CLIP1: variants seen among roughly 807,000 people sequenced by gnomAD.
The protein encoded by CLIP1 is CAP-Gly domain containing linker protein 1, also known as CAP-Gly domain-containing linker protein 1.
A neutral mutation model predicts 161.6 loss-of-function variants in CLIP1; 66 were observed. The ratio of observed to expected loss-of-function variants is 0.41; its 90% CI spans 0.33 to 0.50. The LOEUF (loss-of-function observed/expected upper bound fraction) is 0.50. CLIP1 is among the 20% of genes least tolerant of loss of function. The pLI is 0.27. For missense variants in CLIP1, 1,376 were observed against 1,702.0 expected, an observed-to-expected ratio of 0.81 and a Z score of 3.37; for synonymous variants, 598 against 626.2, an observed-to-expected ratio of 0.96 and a Z score of 0.67.
chr12:122,363,921 G>A, intron 4 of CLIP1, 62 bp downstream of exon 4: 3 of 1,608,954 alleles, frequency 1.9e-6, no homozygotes, highest in Non-Finnish European at 1.7e-6. Flanking sequence ...CGCTTGGTGA[G>A]ACTGGCCTGA....
intron 1 of CLIP1, among the ~76,000 whole-genome samples, chr12:122,384,625 G>A (rs1955155014): frequency 6.6e-6 from 1 of 152,060 alleles, no homozygotes; most frequent in African/African-American, 2.4e-5. Flanking sequence ...GCCGGGCATG[G>A]TGGCGGGCGC....
At chr12:122,284,513 C>T (rs766173702) in intron 21 of CLIP1, among the ~76,000 whole-genome samples, 2 of 151,936 alleles carry the variant, frequency 1.3e-5, no homozygotes, top group Non-Finnish European at 2.9e-5. Context: ...CCACCGTGCC[C>T]GGCTATTTTT....
intron 20 of CLIP1, among the ~76,000 whole-genome samples, chr12:122,289,221 A>C: frequency 6.6e-6 from 1 of 151,916 alleles, no homozygotes; most frequent in Admixed American, 6.6e-5. Flanking sequence ...CAGGAGTTCG[A>C]GCCCAGCCTG....
chr12:122,324,391 C>T (rs1475502598), intron 17 of CLIP1: 3 of 152,224 alleles, frequency 2.0e-5, no homozygotes, highest in Admixed American at 2.0e-4. Context: ...ACTACAGAAA[C>T]AAAAGATGGA....
intron 4 of CLIP1, among the ~76,000 whole-genome samples, chr12:122,362,846 C>A (rs2136604680): frequency 6.6e-6 from 1 of 150,520 alleles, no homozygotes; most frequent in African/African-American, 2.4e-5. Context: ...TATTTTCAGA[C>A]TGACATGGGC....
chr12:122,390,607 T>A (rs186668569), intron 1 of CLIP1, among the ~76,000 whole-genome samples: 13 of 151,832 alleles, frequency 8.6e-5, no homozygotes, highest in African/African-American at 2.9e-4. Flanking sequence ...CCACTGCACC[T>A]GGCATCATTT....
At chr12:122,324,046 A>G (rs912707915) in intron 17 of CLIP1, 1 of 152,648 alleles carries the variant, frequency 6.6e-6, no homozygotes, top group Non-Finnish European at 1.5e-5. Flanking sequence ...CCTGTACAAC[A>G]TTGATTTCTT....
At position 122,311,433 on chromosome 12, in the gene CLIP1, T is replaced by A. The variant is rs993015248; in HGVS notation, c.3474-1551A>T. On this transcript the variant is annotated intron_variant, in intron 19 of 25. Coordinates refer to ENST00000620786, the MANE Select transcript of CLIP1 (RefSeq NM_001247997.2). This position sits in a 1 kb window ranked among gnomAD's most constrained non-coding sequence, Gnocchi z 4.3. ...AACAAAATTATTATTATTATTATTT[T>A]TTTTTTTTTGAGACAGAGTCTCGCT... Among the ~76,000 whole-genome samples, 19 of 151,600 alleles carry A rather than the reference T, an allele frequency of 1.3e-4. No homozygotes were observed. The highest frequency in any genetic ancestry group is 2.2e-4 in the African/African-American group (9 of 41,416).
At chr12:122,374,761 C>A (rs1413967186) in intron 3 of CLIP1, among the ~76,000 whole-genome samples, 6 of 151,638 alleles carry the variant, frequency 4.0e-5, no homozygotes, top group Admixed American at 3.3e-4. Flanking sequence ...GACTCTGTCT[C>A]CAAAAATAAA....
chr12:122,356,297 T>C (rs1223403606), intron 5 of CLIP1: 1 of 152,192 alleles, frequency 6.6e-6, no homozygotes, highest in Non-Finnish European at 1.5e-5. Context: ...CACTGTAGGA[T>C]GTTTTAAAAT....
intron 20 of CLIP1, among the ~76,000 whole-genome samples, chr12:122,296,125 A>G (rs960124388): frequency 6.6e-6 from 1 of 152,232 alleles, no homozygotes; most frequent in Non-Finnish European, 1.5e-5. Flanking sequence ...ATAAGGTTAC[A>G]TACTGTTTTG....
intron 20 of CLIP1, among the ~76,000 whole-genome samples, chr12:122,292,698 A>G (rs545047428): frequency 6.6e-6 from 1 of 152,302 alleles, no homozygotes; most frequent in African/African-American, 2.4e-5. Context: ...TCTTCAAAAG[A>G]TATTGTTAAG....
intron 1 of CLIP1, among the ~76,000 whole-genome samples, chr12:122,385,143 G>C (rs150738733): frequency 0.012 from 1,815 of 152,076 alleles, 31 homozygotes; most frequent in African/African-American, 0.041. Flanking sequence ...ATATTGGCCA[G>C]GATGGTCTCA....
chr12:122,387,514 T>C (rs934967110), intron 1 of CLIP1, among the ~76,000 whole-genome samples: 45 of 147,094 alleles, frequency 3.1e-4, no homozygotes, highest in African/African-American at 1.1e-3. Flanking sequence ...TAAATAATTT[T>C]GTTAAATTTC....
At chr12:122,408,105 G>A (rs1376743307) in intron 1 of CLIP1, among the ~76,000 whole-genome samples, 1 of 151,426 alleles carries the variant, frequency 6.6e-6, no homozygotes, top group Non-Finnish European at 1.5e-5. Context: ...GCATGGTGGC[G>A]GGCACCTGTA....
chr12:122,317,966 C>T (rs1167039522), intron 18 of CLIP1, among the ~76,000 whole-genome samples: 2 of 152,230 alleles, frequency 1.3e-5, no homozygotes, highest in Non-Finnish European at 2.9e-5. Flanking sequence ...TCATTTACTT[C>T]AGCTTCTAAT....
intron 1 of CLIP1, among the ~76,000 whole-genome samples, chr12:122,393,768 C>G (rs984048867): frequency 6.6e-6 from 1 of 151,522 alleles, no homozygotes; most frequent in Admixed American, 6.6e-5. Context: ...AAAAATTAGC[C>G]GGGTGTGGTG....
chr12:122,390,267 CATATATATATACATATATATAT>C (rs1380270060), intron 1 of CLIP1, among the ~76,000 whole-genome samples: 8 of 71,290 alleles, frequency 1.1e-4, no homozygotes, highest in Non-Finnish European at 2.5e-4. Context: ...TATACACACA[CATATATATATACATATATATAT>C]ATATATATAT....
At chr12:122,333,456 A>C (rs970834875) in intron 14 of CLIP1, among the ~76,000 whole-genome samples, 3 of 152,210 alleles carry the variant, frequency 2.0e-5, no homozygotes, top group Non-Finnish European at 2.9e-5. Context: ...GGGGAAAAGC[A>C]AGTGCACAGG....
Sources: gnomAD v4.1 joint callset for allele counts (sites outside exome capture counted in the v4.1 genomes callset) on GRCh38, gnomAD v4.1.1 for gene constraint, Gnocchi (gnomAD v3.1) non-coding constraint, MANE v1.5 for transcripts, NCBI Gene and HGNC (gene_info 2026-07-23, HGNC 2026-07-21) for gene names.